Variants in TBC1D5 observed in about 807,000 individuals in gnomAD.
TBC1D5 encodes TBC1 domain family, member 5.
In TBC1D5, 75 loss-of-function variants were observed where a neutral mutation model predicts 100.3. The ratio of observed to expected loss-of-function variants is 0.75; its 90% CI spans 0.62 to 0.91. The LOEUF (loss-of-function observed/expected upper bound fraction) is 0.91, where lower values mean the gene tolerates loss of function less well. Among genes scored for constraint, TBC1D5 ranks in the 40% least tolerant of loss-of-function variants. The pLI is 0.00. For synonymous variants in TBC1D5, 323 were observed against 325.6 expected, an observed-to-expected ratio of 0.99 and a Z score of 0.09; for missense variants, 910 against 942.4, an observed-to-expected ratio of 0.97 and a Z score of 0.45.
chr3:17,614,410 C>T (rs889390263), intron 2 of TBC1D5, among the ~76,000 whole-genome samples: 9 of 152,098 alleles, frequency 5.9e-5, no homozygotes, highest in South Asian at 2.1e-4. Context: ...GTAGTTTCTG[C>T]GAATTCTGTG....
intron 15 of TBC1D5, among the ~76,000 whole-genome samples, chr3:17,262,773 A>C (rs2078443844): frequency 6.7e-6 from 1 of 149,984 alleles, no homozygotes; most frequent in Non-Finnish European, 1.5e-5. Flanking sequence ...GAGCCACCAC[A>C]CCCGGCCGAC....
At chr3:17,601,881 G>C (rs372295059) in intron 2 of TBC1D5, among the ~76,000 whole-genome samples, 2 of 152,016 alleles carry the variant, frequency 1.3e-5, no homozygotes, top group African/African-American at 4.8e-5. Flanking sequence ...CCAGGCTGGA[G>C]TGCAGTGGCG....
intron 1 of TBC1D5, chr3:17,700,134 G>A (rs2072920670): frequency 6.7e-6 from 1 of 149,290 alleles, no homozygotes; most frequent in Admixed American, 6.7e-5. Context: ...AAACTGAAAG[G>A]GAACACTTGA....
intron 13 of TBC1D5, among the ~76,000 whole-genome samples, chr3:17,324,710 C>A (rs1234981705): frequency 6.6e-6 from 1 of 151,954 alleles, no homozygotes; most frequent in Non-Finnish European, 1.5e-5. Context: ...TACATACATG[C>A]AAAAAGACAT....
chr3:17,392,820 A>C (rs191865424), intron 8 of TBC1D5, among the ~76,000 whole-genome samples: 1 of 152,232 alleles, frequency 6.6e-6, no homozygotes, highest in East Asian at 1.9e-4. Context: ...TGCTGCAATA[A>C]ACATACGTAT....
chr3:17,586,650 A>G (rs1356085635), intron 2 of TBC1D5: 2 of 152,128 alleles, frequency 1.3e-5, no homozygotes, highest in East Asian at 3.9e-4. Flanking sequence ...ATCATATCAA[A>G]CAATACAAAA....
chr3:17,639,225 T>C (rs375946569), intron 1 of TBC1D5, among the ~76,000 whole-genome samples: 1 of 152,066 alleles, frequency 6.6e-6, no homozygotes, highest in South Asian at 2.1e-4. Context: ...TGCTACAAAA[T>C]AGACAAACTT....
chr3:17,375,034 T>A (rs959087563), intron 10 of TBC1D5, among the ~76,000 whole-genome samples: 10 of 152,178 alleles, frequency 6.6e-5, no homozygotes, highest in African/African-American at 2.2e-4. Context: ...TGGTCAAATA[T>A]GCAATATCAA....
At chr3:17,711,709 T>A (rs993839061) in intron 1 of TBC1D5, among the ~76,000 whole-genome samples, 1 of 152,248 alleles carries the variant, frequency 6.6e-6, no homozygotes, top group Non-Finnish European at 1.5e-5. Flanking sequence ...GGTCATTCAT[T>A]TGCACTGCTA....
intron 2 of TBC1D5, among the ~76,000 whole-genome samples, chr3:17,528,999 C>T (rs1027181377): frequency 2.0e-5 from 3 of 152,156 alleles, no homozygotes; most frequent in African/African-American, 7.2e-5. Context: ...CTGGATTAGT[C>T]TTGAAGCCTC....
In TBC1D5 at chr3:17,697,353, AC is replaced by A. The variant is rs1164623918; in HGVS notation, c.-101+41989del. ...GATGACATGATTGTATATTTAGAAAACCCCATCGTCTCAGCCCAAAATCTCC... is the reference window on the plus strand; with the variant it reads ...GATGACATGATTGTATATTTAGAAAACCCATCGTCTCAGCCCAAAATCTCC... On this transcript the variant is annotated intron_variant, in intron 1 of 21. Coordinates refer to ENST00000253692, the Ensembl canonical transcript of TBC1D5. 2.6e-5 allele frequency among the ~76,000 whole-genome samples: 4 copies of A among 152,194 alleles called. No individual in the cohort carries two copies. In the South Asian group the frequency reaches 8.3e-4, roughly 32 times the overall value.
At chr3:17,464,495 C>T (rs1018450453) in intron 3 of TBC1D5, among the ~76,000 whole-genome samples, 1 of 152,038 alleles carries the variant, frequency 6.6e-6, no homozygotes, top group African/African-American at 2.4e-5. Context: ...TCAAATCTTT[C>T]CCGGTTTCCT....
At chr3:17,282,154 C>A (rs1041318813) in intron 15 of TBC1D5, among the ~76,000 whole-genome samples, 1 of 152,068 alleles carries the variant, frequency 6.6e-6, no homozygotes, top group African/African-American at 2.4e-5. Context: ...AATTAATGAA[C>A]CTGAATTTAA....
intron 2 of TBC1D5, among the ~76,000 whole-genome samples, chr3:17,619,424 G>A (rs1048032977): frequency 6.6e-6 from 1 of 152,134 alleles, no homozygotes; most frequent in African/African-American, 2.4e-5. Flanking sequence ...TGAACAGGCA[G>A]AACAGTGCAA....
intron 1 of TBC1D5, among the ~76,000 whole-genome samples, chr3:17,652,482 A>T (rs4908992): frequency 6.6e-6 from 1 of 151,874 alleles, no homozygotes; most frequent in African/African-American, 2.4e-5. Context: ...TTTCCTCTAC[A>T]TTGGGAGAAA....
At chr3:17,218,314 T>C (rs963848463) in intron 17 of TBC1D5, among the ~76,000 whole-genome samples, 1 of 152,006 alleles carries the variant, frequency 6.6e-6, no homozygotes, top group Admixed American at 6.6e-5. Flanking sequence ...TAGGGGTGCT[T>C]TGCATTTCCA....
At chr3:17,474,224 GAC>G (rs933271311) in intron 3 of TBC1D5, among the ~76,000 whole-genome samples, 16 of 151,990 alleles carry the variant, frequency 1.1e-4, no homozygotes, top group Admixed American at 2.0e-4. Flanking sequence ...ACACAAAATA[GAC>G]AGTTACACTG....
intron 18 of TBC1D5, among the ~76,000 whole-genome samples, chr3:17,204,331 A>G (rs995314214): frequency 5.3e-5 from 8 of 152,240 alleles, no homozygotes; most frequent in Admixed American, 5.2e-4. Context: ...TTAGGGTACA[A>G]ATAACTGTCC....
chr3:17,380,974 A>C (rs1226837930), intron 9 of TBC1D5, among the ~76,000 whole-genome samples: 1 of 152,132 alleles, frequency 6.6e-6, no homozygotes, highest in Non-Finnish European at 1.5e-5. Context: ...ATGAAACTTA[A>C]GGTTTTTTCT....
Sources: gnomAD v4.1 joint callset for allele counts (sites outside exome capture counted in the v4.1 genomes callset) on GRCh38, gnomAD v4.1.1 for gene constraint, MANE v1.5 for transcripts, NCBI Gene and HGNC (gene_info 2026-07-23, HGNC 2026-07-21) for gene names.